The following DOCK8 variants were observed in gnomAD, a reference collection of about 807,000 sequenced individuals.
DOCK8 encodes the protein dedicator of cytokinesis 8, also known as dedicator of cytokinesis protein 8.
DOCK8 carries 141 observed loss-of-function variants against 245.6 expected under a neutral mutation model. That is an observed-to-expected ratio of 0.57 (90% CI 0.50 to 0.66). DOCK8 has a LOEUF of 0.66. Among genes scored for constraint, DOCK8 ranks in the 30% least tolerant of loss-of-function variants. DOCK8 has a pLI of 0.00. For synonymous variants in DOCK8, 1,168 were observed against 970.2 expected (o/e 1.20, Z -3.79); for missense variants, 2,965 against 2,603.4 (o/e 1.14, Z -3.02).
intron 1 of DOCK8, among the ~76,000 whole-genome samples, chr9:231,525 A>G (rs1335400116): frequency 6.6e-6 from 1 of 152,092 alleles, no homozygotes; most frequent in East Asian, 1.9e-4. Context: ...GATTCTTCCT[A>G]CCCATGAGCA....
intron 14 of DOCK8, among the ~76,000 whole-genome samples, chr9:361,669 G>A (rs192932689): frequency 9.2e-5 from 14 of 152,274 alleles, no homozygotes; most frequent in African/African-American, 3.4e-4. Context: ...GATGCAAAAT[G>A]CAGCCCACAA....
chr9:403,757 C>A (rs370163341), intron 26 of DOCK8, among the ~76,000 whole-genome samples: 1 of 150,850 alleles, frequency 6.6e-6, no homozygotes, highest in African/African-American at 2.4e-5. Context: ...CCCAGCTACT[C>A]GGGAGGCTGA....
In DOCK8 at chr9:332,498, G is replaced by C. The variant is rs2051062570; in HGVS notation, c.1125+20G>C. On this transcript the variant is annotated intron_variant, in intron 10 of 47. Transcript: ENST00000432829. ...GGAAAGGTATGGTAATTTGAGTGTTGTTAAATGGAGACATCTTAGAAGAAG... is the reference window on the plus strand; with the variant it reads ...GGAAAGGTATGGTAATTTGAGTGTTCTTAAATGGAGACATCTTAGAAGAAG... 1 of 1,546,702 alleles carries C rather than the reference G, an allele frequency of 6.5e-7. No individual in the cohort carries two copies. Among genetic ancestry groups the C allele is most frequent in the Non-Finnish European group, 8.9e-7 (1 of 1,118,648 alleles).
At chr9:433,698 C>T (rs1370824239) in intron 37 of DOCK8, among the ~76,000 whole-genome samples, 177 bp from the exon 38 acceptor site, 1 of 152,174 alleles carries the variant, frequency 6.6e-6, no homozygotes, top group Non-Finnish European at 1.5e-5. Context: ...CTCATAAACT[C>T]CTGGGCTGGC....
At chr9:288,414 C>G (rs66865237) in intron 3 of DOCK8, among the ~76,000 whole-genome samples, 14,859 of 152,230 alleles carry the variant, frequency 0.098, 938 homozygotes, top group Non-Finnish European at 0.14. Context: ...GAACAAGATC[C>G]TTACCATCTC....
intron 14 of DOCK8, among the ~76,000 whole-genome samples, chr9:357,834 C>A (rs2052518667): frequency 6.6e-6 from 1 of 152,206 alleles, no homozygotes; most frequent in Admixed American, 6.5e-5. Context: ...GTTTTACCTT[C>A]CATTTTTCTT....
At chr9:297,296 A>T (rs1227050116) in intron 4 of DOCK8, among the ~76,000 whole-genome samples, 2 of 152,206 alleles carry the variant, frequency 1.3e-5, no homozygotes, top group East Asian at 3.8e-4. Flanking sequence ...CTCTTAGTAC[A>T]TTAAGGAGCC....
chr9:317,019 T>C, intron 6 of DOCK8, 24 bp from the exon 7 acceptor site: 1 of 1,583,624 alleles, frequency 6.3e-7, no homozygotes, highest in Non-Finnish European at 8.7e-7. Flanking sequence ...ACTAATGATT[T>C]CCTTACGATG....
chr9:354,814 G>C (rs563583485), intron 14 of DOCK8, among the ~76,000 whole-genome samples: 2 of 152,330 alleles, frequency 1.3e-5, no homozygotes, highest in East Asian at 3.9e-4. Flanking sequence ...AAACAAGCAA[G>C]CGGGAGGGTA....
At chr9:377,342 G>T in intron 20 of DOCK8, 131 bp downstream of exon 20, 1 of 864,922 alleles carries the variant, frequency 1.2e-6, no homozygotes, top group Non-Finnish European at 1.7e-6. Context: ...GTGCTCAAGG[G>T]AGGCCAAGTC....
intron 28 of DOCK8, among the ~76,000 whole-genome samples, chr9:410,271 C>G (rs1455643464): frequency 2.0e-5 from 3 of 152,202 alleles, no homozygotes; most frequent in Non-Finnish European, 4.4e-5. Context: ...AGGCCCCCCT[C>G]AAGTAACCAC....
chr9:355,964 T>C (rs1162892731), intron 14 of DOCK8, among the ~76,000 whole-genome samples: 1 of 152,122 alleles, frequency 6.6e-6, no homozygotes, highest in East Asian at 1.9e-4. Context: ...TAGAAAAAAA[T>C]ACATTCTTAG....
intron 6 of DOCK8, 84 bp downstream of exon 6, chr9:312,250 T>C (rs1205325308): frequency 3.3e-5 from 49 of 1,485,974 alleles, no homozygotes; most frequent in Non-Finnish European, 4.4e-5. Context: ...ATTATTACTA[T>C]ATAGCAGCCC....
chr9:336,572 T>C lies in DOCK8; in HGVS notation c.1286-10T>C, dbSNP rs2051322221. ...GGCATACTTTGGAGTGACAATTGTT[T>C]TTCTTAAAGGGAGAAGCTCAGTGGG... On this transcript the variant is annotated splice_polypyrimidine_tract_variant and intron_variant, in intron 11 of 47. Coordinates refer to ENST00000432829, the MANE Select transcript of DOCK8 (RefSeq NM_203447.4). The C allele has an allele frequency of 6.2e-7, 1 of 1,614,084 alleles. No individual in the cohort carries two copies. The highest frequency in any genetic ancestry group is 1.3e-5 in the African/African-American group (1 of 74,942).
At chr9:376,429 T>C in intron 19 of DOCK8, 124 bp downstream of exon 19, 1 of 790,352 alleles carries the variant, frequency 1.3e-6, no homozygotes, top group East Asian at 2.5e-5. Context: ...CCTTTAGTTC[T>C]TTGTGGGGAC....
intron 10 of DOCK8, among the ~76,000 whole-genome samples, chr9:333,600 C>CAA (rs55727463): frequency 1.7e-5 from 2 of 121,168 alleles, no homozygotes; most frequent in African/African-American, 2.8e-5. Context: ...GACTCTGTCT[C>CAA]AAAAAAAAAA....
At chr9:404,549 A>T (rs1256600529) in intron 26 of DOCK8, among the ~76,000 whole-genome samples, 1 of 152,218 alleles carries the variant, frequency 6.6e-6, no homozygotes, top group African/African-American at 2.4e-5. Context: ...ATATGAGGTC[A>T]ACTCCTTTCA....
intron 4 of DOCK8, among the ~76,000 whole-genome samples, chr9:299,756 A>T (rs785858): frequency 0.58 from 87,782 of 151,490 alleles, 25,809 homozygotes; most frequent in East Asian, 0.76. Flanking sequence ...GCGCGGTGGC[A>T]CACATCTGTA....
chr9:379,435 G>C (rs528109356), intron 20 of DOCK8, among the ~76,000 whole-genome samples: 1 of 152,278 alleles, frequency 6.6e-6, no homozygotes, highest in African/African-American at 2.4e-5. Context: ...TAGCAAGCAG[G>C]TGATAGTGGT....
Sources: allele counts gnomAD v4.1 joint callset (sites outside exome capture counted in the v4.1 genomes callset), GRCh38; gene constraint gnomAD v4.1.1; transcripts MANE v1.5; gene names NCBI Gene and HGNC (gene_info 2026-07-23, HGNC 2026-07-21).